Variants in MPHOSPH9 observed in about 807,000 individuals in gnomAD.
MPHOSPH9 encodes the protein M-phase phosphoprotein 9.
In MPHOSPH9, 88 loss-of-function variants were observed where a neutral mutation model predicts 145.5. The ratio of observed to expected loss-of-function variants is 0.60; its 90% confidence interval spans 0.51 to 0.72. The LOEUF (loss-of-function observed/expected upper bound fraction) is 0.72. MPHOSPH9 is among the 30% of genes least tolerant of loss of function. The pLI is 0.00. For missense variants in MPHOSPH9, 1,238 were observed against 1,386.6 expected (o/e 0.89, Z 1.70); for synonymous variants, 435 against 486.2 (o/e 0.89, Z 1.39).
Position 123,202,680 on chromosome 12 carries a change from G to A in MPHOSPH9, c.1725C>T (p.Asn575=), listed in dbSNP as rs751109252. Residue 575 remains asparagine, a synonymous_variant, in exon 10 of 24, where the codon AAC becomes AAT. Transcript: ENST00000606320. ...VSQSQLPGTA[N]SVPECISLTS... is the part of the protein sequence containing the mutation. ...TCAATGAAATGCATTCTGGGACACTGTTGGCTGTACCTGGAAGCTGGGACT... is the reference window on the plus strand; with the variant it reads ...TCAATGAAATGCATTCTGGGACACTATTGGCTGTACCTGGAAGCTGGGACT... 6.2e-7 allele frequency: 1 copy of A among 1,614,142 alleles called. No homozygotes were observed. Among genetic ancestry groups the A allele is most frequent in the Non-Finnish European group, 8.5e-7 (1 of 1,180,002 alleles).
intron 16 of MPHOSPH9, among the ~76,000 whole-genome samples, chr12:123,174,717 T>C (rs1300469316): frequency 6.6e-6 from 1 of 152,114 alleles, no homozygotes; most frequent in Non-Finnish European, 1.5e-5. Flanking sequence ...ATTTTTGAGC[T>C]CCAAACTCAT....
chr12:123,214,976 G>C (rs1212355159), intron 6 of MPHOSPH9, 142 bp from the exon 7 acceptor site: 1 of 654,792 alleles, frequency 1.5e-6, no homozygotes, highest in Admixed American at 2.7e-5. Flanking sequence ...AGGCGTGATA[G>C]CTCACGCCTA....
chr12:123,170,733 CA>C (rs2044541568), intron 16 of MPHOSPH9, among the ~76,000 whole-genome samples: 1 of 152,210 alleles, frequency 6.6e-6, no homozygotes, highest in African/African-American at 2.4e-5. Flanking sequence ...AGCCTTTCGA[CA>C]ATGCTAAAAT....
At chr12:123,197,205 C>T (rs560828902) in intron 12 of MPHOSPH9, among the ~76,000 whole-genome samples, 25 of 151,524 alleles carry the variant, frequency 1.6e-4, no homozygotes, top group Admixed American at 1.4e-3. Context: ...TTTTTTGAGA[C>T]AGGGTCATGC....
intron 14 of MPHOSPH9, 35 bp downstream of exon 14, chr12:123,181,128 G>T: frequency 6.4e-7 from 1 of 1,570,022 alleles, no homozygotes; most frequent in Non-Finnish European, 8.8e-7. Flanking sequence ...TTCTGCCTCT[G>T]CATGAAATCT....
At position 123,198,229 on chromosome 12, in the gene MPHOSPH9, CA is replaced by C; in HGVS notation, c.2025+17del. The C allele has an allele frequency of 2.5e-6, 4 of 1,583,612 alleles. No individual in the cohort carries two copies. The highest frequency in any genetic ancestry group is 3.5e-6 in the Non-Finnish European group (4 of 1,157,776). On this transcript the variant is annotated intron_variant, in intron 12 of 23. Transcript: ENST00000606320. ...TCATTTGTCTCACCAGAACACCCAC[CA>C]AAAAAAGAGTACTTACCACTTCAAT...
intron 1 of MPHOSPH9, among the ~76,000 whole-genome samples, chr12:123,242,918 T>C (rs1467469239): frequency 2.6e-5 from 4 of 152,208 alleles, no homozygotes; most frequent in Non-Finnish European, 1.5e-5. Context: ...CCATAATGAA[T>C]TGAATCCGGG....
chr12:123,206,618 A>G (rs1421057185), intron 8 of MPHOSPH9, among the ~76,000 whole-genome samples: 1 of 151,802 alleles, frequency 6.6e-6, no homozygotes, highest in East Asian at 1.9e-4. Flanking sequence ...AGTATGCATA[A>G]GAGTTATATA....
intron 16 of MPHOSPH9, among the ~76,000 whole-genome samples, chr12:123,171,317 G>C (rs186441828): frequency 1.3e-5 from 2 of 151,998 alleles, no homozygotes; most frequent in Non-Finnish European, 2.9e-5. Context: ...TAGCAGGCAT[G>C]GTGGCACGTG....
At chr12:123,207,480 G>A (rs2046486677) in intron 8 of MPHOSPH9, among the ~76,000 whole-genome samples, 1 of 152,086 alleles carries the variant, frequency 6.6e-6, no homozygotes, top group Non-Finnish European at 1.5e-5. Flanking sequence ...GTCTGTATAT[G>A]TCATTCATTT....
rs1410429361 is a variant in MPHOSPH9, at chr12:123,155,809, C to A, written c.*998G>T. 6.6e-6 allele frequency: 1 copy of A among 152,206 alleles called. No homozygotes were observed. Among genetic ancestry groups the A allele is most frequent in the Admixed American group, 6.5e-5 (1 of 15,280 alleles). 9.4% of individuals were successfully genotyped at this position (152,206 alleles called of 1,614,324 possible). On this transcript the variant is annotated 3_prime_UTR_variant, in exon 24 of 24. Coordinates refer to ENST00000606320, the MANE Select transcript of MPHOSPH9 (RefSeq NM_022782.4). ...AAGGCCGAGGGGAAGGCACCAGGCTCCATCCGGACACACTCCCTGTCCATT... is the reference window on the plus strand; with the variant it reads ...AAGGCCGAGGGGAAGGCACCAGGCTACATCCGGACACACTCCCTGTCCATT...
intron 15 of MPHOSPH9, among the ~76,000 whole-genome samples, 192 bp downstream of exon 15, chr12:123,179,734 A>AAG (rs1199466778): frequency 1.5e-4 from 22 of 151,182 alleles, no homozygotes; most frequent in East Asian, 3.9e-4. Flanking sequence ...AAAAAAAAAA[A>AAG]AGAGAGAGAG....
chr12:123,153,895 G>A (rs2137806590), downstream of MPHOSPH9, among the ~76,000 whole-genome samples: 1 of 150,160 alleles, frequency 6.7e-6, no homozygotes, highest in South Asian at 2.1e-4. Context: ...AATGAAAGGA[G>A]TTTTCTTATT....
intron 7 of MPHOSPH9, among the ~76,000 whole-genome samples, chr12:123,212,766 CTTT>C (rs769159602): frequency 2.1e-5 from 2 of 93,914 alleles, no homozygotes; most frequent in African/African-American, 3.8e-5. Flanking sequence ...CAATGGTCGA[CTTT>C]TTTTTTTTTT....
chr12:123,183,995 C>T (rs2045322563), intron 13 of MPHOSPH9, among the ~76,000 whole-genome samples: 1 of 152,064 alleles, frequency 6.6e-6, no homozygotes, highest in South Asian at 2.1e-4. Flanking sequence ...TACTTGAGCC[C>T]AGGAGTTGGA....
rs1237789519 is a variant in MPHOSPH9 at position 123,223,091 on chromosome 12, G to GT, written c.294dup (p.Gln99ThrfsTer33). On this transcript the variant is annotated frameshift_variant, in exon 4 of 24. Transcript: ENST00000606320. LOFTEE classifies it high-confidence loss of function. ...TGGGCAACTATCTGTTCTTGGCATT[G>GT]TTTTTCCACCAAATTGAATAGCTGT... The GT allele has an allele frequency of 3.4e-6, 5 of 1,483,142 alleles. No homozygotes were observed. 91.9% of individuals were successfully genotyped at this position (1,483,142 alleles called of 1,614,324 possible). A position where few individuals can be genotyped will look rare whatever the true frequency, so the allele number is the denominator to read the frequency against.
At chr12:123,161,907 T>C (rs2044124952) in intron 21 of MPHOSPH9, among the ~76,000 whole-genome samples, 1 of 152,170 alleles carries the variant, frequency 6.6e-6, no homozygotes, top group African/African-American at 2.4e-5. Flanking sequence ...AACATCAACA[T>C]TCCCTGTACC....
rs772080218 is a variant in MPHOSPH9 at position 123,203,261 on chromosome 12, G to A, written c.1309C>T (p.His437Tyr). The change falls in exon 9 of 24, where the codon CAT becomes TAT. Residue 437 changes from histidine to tyrosine, a missense_variant. His to Tyr is a moderately conservative substitution (Grantham distance 83). Around this residue, in one of 3 missense-constraint regions of MPHOSPH9, gnomAD observed 837 missense variants for 897.5 expected, o/e 0.93. Coordinates refer to ENST00000606320, the MANE Select transcript of MPHOSPH9 (RefSeq NM_022782.4). ...RNLTSASNPN[H>Y]PPEVLTLDPT... Reference sequence around the variant, plus strand: ...GTGGACAACTTTACCTCTGGTGGATGATTTGGGTTGGAAGCAGAAGTGAGA... The same window carrying A: ...GTGGACAACTTTACCTCTGGTGGATAATTTGGGTTGGAAGCAGAAGTGAGA... The A allele has an allele frequency of 1.5e-5, 25 of 1,613,460 alleles. No homozygotes were observed. In the East Asian group the frequency reaches 5.6e-4, roughly 36 times the overall value.
chr12:123,185,430 G>T (rs2045400046), intron 13 of MPHOSPH9, among the ~76,000 whole-genome samples: 1 of 151,992 alleles, frequency 6.6e-6, no homozygotes, highest in East Asian at 1.9e-4. Context: ...CATTAGAAAG[G>T]AATGAGAAAC....
Sources: gnomAD v4.1 joint callset for allele counts (sites outside exome capture counted in the v4.1 genomes callset) on GRCh38, gnomAD v4.1.1 for gene constraint, gnomAD v4.1.1 regional missense constraint, MANE v1.5 for transcripts, NCBI Gene and HGNC (gene_info 2026-07-23, HGNC 2026-07-21) for gene names.